SIAE: variants seen among roughly 807,000 people sequenced by gnomAD.
SIAE encodes the protein sialic acid acetylesterase, also known as sialate O-acetylesterase.
Under a neutral mutation model 52.6 loss-of-function variants are expected in SIAE, and 39 were observed. The observed-to-expected ratio is 0.74, with a 90% confidence interval of 0.57 to 0.97. SIAE has a LOEUF of 0.97. Ranked by LOEUF, SIAE falls within the 50% of genes least tolerant of loss-of-function variation. The pLI, the probability that SIAE is intolerant of heterozygous loss-of-function variation, is 0.00. For synonymous variants in SIAE, 233 were observed against 241.4 expected, an observed-to-expected ratio of 0.97 and a Z score of 0.32; for missense variants, 592 against 662.1, an observed-to-expected ratio of 0.89 and a Z score of 1.16.
chr11:124,652,374 G>A (rs1943029350), intron 4 of SIAE, among the ~76,000 whole-genome samples: 1 of 152,070 alleles, frequency 6.6e-6, no homozygotes, highest in South Asian at 2.1e-4. Flanking sequence ...ACCTTTCCCA[G>A]CAGCAGTGAT....
chr11:124,643,532 A>T (rs1942882889), intron 7 of SIAE, among the ~76,000 whole-genome samples: 1 of 152,212 alleles, frequency 6.6e-6, no homozygotes, highest in Non-Finnish European at 1.5e-5. Flanking sequence ...AAAGGTAGTG[A>T]GAAGTGGTCA....
intron 8 of SIAE, 128 bp from the exon 9 acceptor site, chr11:124,638,865 A>G: frequency 1.3e-6 from 1 of 750,556 alleles, no homozygotes; most frequent in Admixed American, 2.3e-5. Context: ...CTCTGTGATC[A>G]GTGGCTAGTC....
chr11:124,654,686 CG>C lies in SIAE; in HGVS notation c.512del (p.Ala171GlyfsTer14), dbSNP rs751303862. On this transcript the variant is annotated frameshift_variant, in exon 4 of 10. Coordinates refer to ENST00000263593, the MANE Select transcript of SIAE (RefSeq NM_170601.5). LOFTEE classifies it high-confidence loss of function. ...QAEQELEDLV[A>X]VDLQWSKPTS... ...TGGGCTTAGACCACTGCAAGTCAAC[CG>C]CAACAAGGTCCTCCAGCTCCTGCTC... is the stretch of plus-strand genomic sequence containing the variant. 10 of 1,614,024 alleles carry C rather than the reference CG, an allele frequency of 6.2e-6. No homozygotes were observed. In the East Asian group the frequency reaches 2.0e-4, roughly 32 times the overall value.
intron 7 of SIAE, among the ~76,000 whole-genome samples, chr11:124,642,346 A>G (rs557701806): frequency 5.3e-5 from 8 of 152,322 alleles, no homozygotes; most frequent in African/African-American, 1.7e-4. Flanking sequence ...CTGAGCACCT[A>G]CTCTGTGTCA....
At chr11:124,652,197 C>A (rs1372651315) in intron 4 of SIAE, among the ~76,000 whole-genome samples, 1 of 152,032 alleles carries the variant, frequency 6.6e-6, no homozygotes, top group Non-Finnish European at 1.5e-5. Context: ...AAATAACAGA[C>A]CCCAAAGACG....
In SIAE at chr11:124,660,735, G is replaced by A; in HGVS notation, c.298C>T (p.Gln100Ter). 1.2e-6 allele frequency: 2 copies of A among 1,614,184 alleles called. No individual in the cohort carries two copies. ...AAGTTTATTTTCTCCAAAGTCTGTT[G>A]TGCCATCACTTCGAAAGGTCCTCCA... ...KPGGPFEVMAQQTLEKINFTL... is the reference protein window; with the variant it reads ...KPGGPFEVMA The change falls in exon 3 of 10, where the codon CAA (glutamine) becomes TAA (stop). Residue 100 changes from glutamine to a stop codon, truncating the protein, a stop_gained. Transcript: ENST00000263593. LOFTEE classifies it high-confidence loss of function.
intron 6 of SIAE, among the ~76,000 whole-genome samples, chr11:124,647,775 G>A (rs1942961605): frequency 6.6e-6 from 1 of 152,116 alleles, no homozygotes; most frequent in Non-Finnish European, 1.5e-5. Context: ...AAGGATAAGA[G>A]GTCACCTCAG....
At chr11:124,675,090 G>A, upstream of SIAE, 1 of 698,732 alleles carries the variant, frequency 1.4e-6, no homozygotes, top group Non-Finnish European at 2.2e-6. Flanking sequence ...AAAACTCTTT[G>A]GAAGAAATGG....
rs1263220882 is a variant in SIAE, at chr11:124,648,097, A to G, written c.801T>C (p.Asn267=). The G allele has an allele frequency of 6.2e-7, 1 of 1,614,092 alleles. No homozygotes were observed. Among genetic ancestry groups the G allele is most frequent in the Non-Finnish European group, 8.5e-7 (1 of 1,179,922 alleles). The part of the protein sequence containing the change: ...LWNAMIHPLC[N]MTLKGVVWYQ... ...ACCATACTACCCCTTTCAGAGTCATATTGCACAGTGGATGGATCATGGCAT... is the reference window on the plus strand; with the variant it reads ...ACCATACTACCCCTTTCAGAGTCATGTTGCACAGTGGATGGATCATGGCAT... The change falls in exon 6 of 10, where the codon AAT becomes AAC. Residue 267 remains asparagine (N), a synonymous_variant. Transcript: ENST00000263593.
chr11:124,646,705 C>T (rs943782346), intron 7 of SIAE, among the ~76,000 whole-genome samples: 1 of 152,126 alleles, frequency 6.6e-6, no homozygotes, highest in Admixed American at 6.5e-5. Context: ...ACCTTTTGAA[C>T]CAGAAATTTC....
At chr11:124,654,447 T>C in intron 4 of SIAE, 6 of 985,444 alleles carry the variant, frequency 6.1e-6, no homozygotes, top group Non-Finnish European at 7.2e-6. Context: ...GAAGACTCAT[T>C]TCCCCACAGC....
At chr11:124,665,364 T>C (rs1271916726) in intron 2 of SIAE, among the ~76,000 whole-genome samples, 2 of 152,242 alleles carry the variant, frequency 1.3e-5, no homozygotes, top group Non-Finnish European at 2.9e-5. Flanking sequence ...GTGAGCTCTT[T>C]CAAAGAAGAT....
At chr11:124,639,631 G>T in intron 8 of SIAE, 79 bp downstream of exon 8, 1 of 1,585,354 alleles carries the variant, frequency 6.3e-7, no homozygotes, top group Non-Finnish European at 8.6e-7. Context: ...CAGTCTAATT[G>T]CCCCTCACCG....
At position 124,673,650 on chromosome 11, in the gene SIAE, C is replaced by T; in HGVS notation, c.59G>A (p.Arg20Lys). The change falls in exon 1 of 10, where the codon AGA (arginine) becomes AAA (lysine). Residue 20 changes from arginine (R) to lysine (K), a missense_variant. Physicochemically the swap from Arg to Lys is conservative, Grantham distance 26. Coordinates refer to ENST00000263593, the MANE Select transcript of SIAE (RefSeq NM_170601.5). ...GAGCCGGGCCGCCTCACCTGCACTT[C>T]TGTCGGCCCACAGGATTAATGGCAG... Reference protein sequence around the residue: ...LVLPLILWADRSAGIGFRFAS... With the variant: ...LVLPLILWADKSAGIGFRFAS... The T allele has an allele frequency of 1.9e-6, 3 of 1,613,612 alleles. No homozygotes were observed. The South Asian group carries it at 3.3e-5, about 18-fold the overall frequency.
Position 124,645,495 on chromosome 11 carries a change from T to C in SIAE, c.966+1870A>G, listed in dbSNP as rs1942918968. On this transcript the variant is annotated intron_variant, in intron 7 of 9. Transcript: ENST00000263593. This position sits in a 1 kb window ranked among gnomAD's most constrained non-coding sequence, Gnocchi z 4.7. ...TTTGTATTTTTAGTAGAGACGGGGC[T>C]TCTCCATGTTGGTCAGGCTGGTCTC... is the stretch of plus-strand genomic sequence containing the variant. Among the ~76,000 whole-genome samples the C allele has an allele frequency of 6.6e-6, 1 of 152,076 alleles. No individual in the cohort carries two copies. The highest frequency in any genetic ancestry group is 1.5e-5 in the Non-Finnish European group (1 of 68,012).
upstream of SIAE, chr11:124,674,103 G>A (rs1035631966): frequency 3.8e-5 from 9 of 237,134 alleles, no homozygotes; most frequent in Non-Finnish European, 5.9e-5. Context: ...GAAATCCCAG[G>A]TCCTCAACAT....
chr11:124,644,601 T>G (rs1942903818), intron 7 of SIAE, among the ~76,000 whole-genome samples: 1 of 152,198 alleles, frequency 6.6e-6, no homozygotes, highest in African/African-American at 2.4e-5. Context: ...CCACAGTGGC[T>G]GGTAGAAATA....
rs2134348034 is a variant in SIAE at position 124,636,630 on chromosome 11, G to A, written c.*321C>T. 2.8e-6 allele frequency: 1 copy of A among 356,066 alleles called. No homozygotes were observed. The highest frequency in any genetic ancestry group is 5.4e-6 in the Non-Finnish European group (1 of 186,506). 22.1% of individuals were successfully genotyped at this position (356,066 alleles called of 1,614,324 possible). A position where few individuals can be genotyped will look rare whatever the true frequency, so the allele number is the denominator to read the frequency against. ...CCAATCCTGAGATTCCCACAACTCT[G>A]GATAAAAAGGGGCAAAAGTATTAGA... On this transcript the variant is annotated 3_prime_UTR_variant, in exon 10 of 10. Coordinates refer to ENST00000263593, the MANE Select transcript of SIAE (RefSeq NM_170601.5).
chr11:124,665,664 T>G (rs1464747315), intron 2 of SIAE, among the ~76,000 whole-genome samples: 4 of 151,986 alleles, frequency 2.6e-5, no homozygotes, highest in East Asian at 1.9e-4. Context: ...AAAACTAGTA[T>G]GCAAATTAGC....
Sources: gnomAD v4.1 joint callset for allele counts (sites outside exome capture counted in the v4.1 genomes callset) on GRCh38, gnomAD v4.1.1 for gene constraint, Gnocchi (gnomAD v3.1) non-coding constraint, MANE v1.5 for transcripts, NCBI Gene and HGNC (gene_info 2026-07-23, HGNC 2026-07-21) for gene names.